SMARCD3: variants seen among roughly 807,000 people sequenced by gnomAD.
The protein encoded by SMARCD3 is SWI/SNF related BAF chromatin remodeling complex subunit D3.
In SMARCD3, 14 loss-of-function variants were observed where a neutral mutation model predicts 58.0. The observed-to-expected ratio is 0.24, with a 90% CI of 0.16 to 0.38. SMARCD3 has a LOEUF of 0.38. Ranked by LOEUF, SMARCD3 falls within the 10% of genes least tolerant of loss-of-function variation. The probability of loss-of-function intolerance (pLI) is 1.00; values close to 1 mark genes in which losing one functional copy is unlikely to be tolerated. For missense variants in SMARCD3, 408 were observed against 636.9 expected (o/e 0.64, Z 3.87); for synonymous variants, 253 against 253.8 (o/e 1.00, Z 0.03).
chr7:151,240,644 G>A lies in SMARCD3; in HGVS notation c.940-122C>T, dbSNP rs758385967. 3.9e-4 allele frequency: 284 copies of A among 724,376 alleles called. 2 individuals carry two copies. Among genetic ancestry groups the A allele is most frequent in the Non-Finnish European group, 5.9e-4 (256 of 431,716 alleles). 44.9% of individuals were successfully genotyped at this position (724,376 alleles called of 1,614,324 possible). On this transcript the variant is annotated intron_variant, in intron 8 of 12. Coordinates refer to ENST00000262188, the MANE Select transcript of SMARCD3 (RefSeq NM_001003801.2). ...GAGAGGAAGTCTGATTCCTCAGTGC[G>A]CATGGGGATGGGATTGGGGTGGGCT...
In SMARCD3 at chr7:151,245,549, G is replaced by T; in HGVS notation, c.201C>A (p.Pro67=). The T allele has an allele frequency of 8.3e-7, 1 of 1,207,800 alleles. No homozygotes were observed. The highest frequency in any genetic ancestry group is 1.0e-6 in the Non-Finnish European group (1 of 967,764). 74.8% of individuals were successfully genotyped at this position (1,207,800 alleles called of 1,614,324 possible). ...GCGGGGGCGCTGCTCGCTTGCGGGC[G>T]GGCTCCATGCCCGCGGGGGCCAGGC... ...RPGLAPAGME[P]ARKRAAPPPG... Residue 67 remains proline (P), a synonymous_variant, in exon 2 of 13, where the codon CCC becomes CCA. Coordinates refer to ENST00000262188, the MANE Select transcript of SMARCD3 (RefSeq NM_001003801.2). The surrounding 1 kb of genome is among the most constrained non-coding windows in gnomAD (Gnocchi z 6.2).
At position 151,259,405 on chromosome 7, in the gene SMARCD3, GTGTGTA is replaced by G. The variant is rs112589885; in HGVS notation, c.40-13740_40-13735del. Among the ~76,000 whole-genome samples, 1,340 of 146,072 alleles carry G rather than the reference GTGTGTA, an allele frequency of 9.2e-3. 22 individuals carry two copies. Among genetic ancestry groups the G allele is most frequent in the African/African-American group, 0.034 (1,256 of 36,956 alleles). Reference sequence around the variant, plus strand: ...AAAAAGGTAGGGGCTGTGTGTGTGTGTGTGTATGTGTGTGTGTGTGTGTTTCTAAAG... The same window carrying G: ...AAAAAGGTAGGGGCTGTGTGTGTGTGTGTGTGTGTGTGTGTGTTTCTAAAG... On this transcript the variant is annotated intron_variant, in intron 2 of 13. Coordinates refer to the SMARCD3 transcript ENST00000356800.
upstream of SMARCD3, among the ~76,000 whole-genome samples, chr7:151,249,840 C>T (rs377351789): frequency 1.3e-5 from 2 of 151,956 alleles, no homozygotes; most frequent in Admixed American, 6.5e-5. This position sits in a 1 kb window ranked among gnomAD's most constrained non-coding sequence, Gnocchi z 4.8. Flanking sequence ...GAGGAGGGAC[C>T]GGAAGGAGGA....
chr7:151,273,664 C>T (rs923463820), intron 2 of SMARCD3, among the ~76,000 whole-genome samples: 1 of 152,234 alleles, frequency 6.6e-6, no homozygotes, highest in Admixed American at 6.5e-5. Context: ...AAGGGTGGGA[C>T]GTTTGCTTGG....
chr7:151,241,471 A>G lies in SMARCD3; in HGVS notation c.939+21T>C, dbSNP rs759892842. 2 of 1,605,120 alleles carry G rather than the reference A, an allele frequency of 1.2e-6. No individual in the cohort carries two copies. The highest frequency in any genetic ancestry group is 1.7e-6 in the Non-Finnish European group (2 of 1,174,512). On this transcript the variant is annotated intron_variant, in intron 8 of 12. Transcript: ENST00000262188. The surrounding 1 kb of genome is among the most constrained non-coding windows in gnomAD (Gnocchi z 5.3). Reference sequence around the variant, plus strand: ...GAACTCCGCCTGCTCCCCAGATCCCAGGGTTCAGGAGAGAGGTTACCTGCT... The same window carrying G: ...GAACTCCGCCTGCTCCCCAGATCCCGGGGTTCAGGAGAGAGGTTACCTGCT...
chr7:151,239,270 T>G lies in SMARCD3; in HGVS notation c.1399-114A>C, dbSNP rs529990248. 2 of 1,352,992 alleles carry G rather than the reference T, an allele frequency of 1.5e-6. No individual in the cohort carries two copies. Among genetic ancestry groups the G allele is most frequent in the Non-Finnish European group, 1.1e-6 (1 of 944,008 alleles). The allele number at this position is 1,352,992 out of a possible 1,614,324, so 83.8% of individuals were successfully genotyped here. ...GAGCATCTGGGAGCAGGGAGGGCCA[T>G]TGCATGGTGAGGCAGCGTGGTGAAG... On this transcript the variant is annotated intron_variant, in intron 12 of 12. Transcript: ENST00000262188. This position sits in a 1 kb window ranked among gnomAD's most constrained non-coding sequence, Gnocchi z 7.0.
In SMARCD3 at chr7:151,240,183, A is replaced by G. The variant is rs150623377; in HGVS notation, c.1102T>C (p.Leu368=). The change falls in exon 10 of 13, where the codon TTA becomes CTA. Residue 368 remains leucine (L), a synonymous_variant. Transcript: ENST00000262188. ...AGGAAGCTGCTCATCTGCCCCTTTA[A>G]TGGCTCCTCCACCTCCACGTCAATG... is the stretch of plus-strand genomic sequence containing the variant. ...YDIDVEVEEP[L]KGQMSSFLLS... The G allele has an allele frequency of 5.1e-5, 82 of 1,613,798 alleles. No individual in the cohort carries two copies. In the African/African-American group the frequency reaches 9.1e-4, roughly 18 times the overall value.
rs1803040448 is a variant in SMARCD3 at position 151,242,421 on chromosome 7, G to A, written c.579+60C>T. 1.3e-6 allele frequency: 2 copies of A among 1,598,002 alleles called. No individual in the cohort carries two copies. Among genetic ancestry groups the A allele is most frequent in the South Asian group, 2.2e-5 (2 of 90,808 alleles). Reference sequence around the variant, plus strand: ...GCCCTTAGTGCAGACACCTTGTTCTGTTCTCAGTGCAGCCCATGCCCACCC... The same window carrying A: ...GCCCTTAGTGCAGACACCTTGTTCTATTCTCAGTGCAGCCCATGCCCACCC... On this transcript the variant is annotated intron_variant, in intron 5 of 12. Transcript: ENST00000262188. The surrounding 1 kb of genome is among the most constrained non-coding windows in gnomAD (Gnocchi z 4.7).
At chr7:151,264,205 C>G (rs1361478966) in intron 2 of SMARCD3, among the ~76,000 whole-genome samples, 1 of 151,934 alleles carries the variant, frequency 6.6e-6, no homozygotes, top group Non-Finnish European at 1.5e-5. Flanking sequence ...ACTACAGGTG[C>G]CTGCCACCAC....
intron 2 of SMARCD3, among the ~76,000 whole-genome samples, chr7:151,255,142 C>T (rs561382414): frequency 6.6e-6 from 1 of 152,148 alleles, no homozygotes; most frequent in African/African-American, 2.4e-5. Flanking sequence ...TCCCCAATTG[C>T]ATCAGTCACC....
rs1563640523 is a variant in SMARCD3, at chr7:151,239,162, G to A, written c.1399-6C>T. The A allele has an allele frequency of 6.2e-7, 1 of 1,614,112 alleles. No individual in the cohort carries two copies. Among genetic ancestry groups the A allele is most frequent in the Non-Finnish European group, 8.5e-7 (1 of 1,179,984 alleles). ...TCCTGCCTGCGCTGCTGGATCTTTA[G>A]AGGAAGTGAGAACAGGAGCAGGTGT... On this transcript the variant is annotated splice_polypyrimidine_tract_variant and splice_region_variant and intron_variant, in intron 12 of 12. Transcript: ENST00000262188. The surrounding 1 kb of genome is among the most constrained non-coding windows in gnomAD (Gnocchi z 7.0).
At chr7:151,262,844 G>A (rs750850869) in intron 2 of SMARCD3, among the ~76,000 whole-genome samples, 8 of 152,156 alleles carry the variant, frequency 5.3e-5, no homozygotes, top group African/African-American at 1.2e-4. Flanking sequence ...TGCCTCCTTG[G>A]GCTCCTCTGT....
chr7:151,269,150 G>GA (rs1221561114), intron 2 of SMARCD3, among the ~76,000 whole-genome samples: 1 of 152,220 alleles, frequency 6.6e-6, no homozygotes, highest in East Asian at 1.9e-4. Context: ...TGGGTAAGAT[G>GA]CAAGTGAGGT....
At chr7:151,260,664 T>C (rs969742055) in intron 2 of SMARCD3, among the ~76,000 whole-genome samples, 15 of 152,144 alleles carry the variant, frequency 9.9e-5, no homozygotes, top group Admixed American at 3.9e-4. Flanking sequence ...TTTGGGAACA[T>C]GTCGTTACCC....
chr7:151,247,713 C>T (rs1467490001), intron 1 of SMARCD3, among the ~76,000 whole-genome samples: 3 of 75,434 alleles, frequency 4.0e-5, no homozygotes, highest in South Asian at 6.4e-4. Flanking sequence ...CCCTCCCAGC[C>T]GGGCCCTACT....
chr7:151,249,290 C>T (rs924763822), upstream of SMARCD3: 2 of 152,148 alleles, frequency 1.3e-5, no homozygotes, highest in African/African-American at 4.8e-5. This position sits in a 1 kb window ranked among gnomAD's most constrained non-coding sequence, Gnocchi z 4.8. Context: ...TGTGTGTGCC[C>T]TTGTCTCACA....
At chr7:151,259,600 A>ATTTTTT (rs1563682239) in intron 2 of SMARCD3, among the ~76,000 whole-genome samples, 1 of 67,938 alleles carries the variant, frequency 1.5e-5, no homozygotes, top group African/African-American at 7.8e-5. Context: ...ACAACCTGAG[A>ATTTTTT]GTTTTTTTTT....
chr7:151,264,557 G>A (rs1307186058), intron 2 of SMARCD3, among the ~76,000 whole-genome samples: 1 of 152,174 alleles, frequency 6.6e-6, no homozygotes, highest in East Asian at 1.9e-4. Context: ...TCAGCACCTG[G>A]GGTAGGAACT....
intron 2 of SMARCD3, among the ~76,000 whole-genome samples, chr7:151,266,838 AGTAGCT>A: frequency 6.6e-6 from 1 of 152,296 alleles, no homozygotes; most frequent in Admixed American, 6.5e-5. Flanking sequence ...CAGCCTCCTG[AGTAGCT>A]GAGACTATAG....
Sources: gnomAD v4.1 joint callset for allele counts (sites outside exome capture counted in the v4.1 genomes callset) on GRCh38, gnomAD v4.1.1 for gene constraint, Gnocchi (gnomAD v3.1) non-coding constraint, MANE v1.5 for transcripts, NCBI Gene and HGNC (gene_info 2026-07-23, HGNC 2026-07-21) for gene names.